Variants in ST18 observed in about 807,000 individuals in gnomAD.
The protein encoded by ST18 is suppression of tumorigenicity 18 protein.
A neutral mutation model predicts 110.0 loss-of-function variants in ST18; 50 were observed. That is an observed-to-expected ratio of 0.45 (90% CI 0.36 to 0.58). The LOEUF (loss-of-function observed/expected upper bound fraction) is 0.58. Among genes scored for constraint, ST18 ranks in the 20% least tolerant of loss-of-function variants. The pLI is 0.00. For synonymous variants in ST18, 461 were observed against 452.4 expected, an observed-to-expected ratio of 1.02 and a Z score of -0.24; for missense variants, 1,306 against 1,280.1, an observed-to-expected ratio of 1.02 and a Z score of -0.31.
In ST18 at chr8:52,172,359, A is replaced by G. The variant is rs1436951447; in HGVS notation, c.502T>C (p.Phe168Leu). Residue 168 changes from phenylalanine to leucine, a missense_variant, in exon 10 of 26, where the codon TTT (phenylalanine) becomes CTT (leucine). Physicochemically the swap from Phe to Leu is conservative, Grantham distance 22 (BLOSUM62 0). Coordinates refer to ENST00000689386, the MANE Select transcript of ST18 (RefSeq NM_001352837.2). ...KAESDEADEC[F>L]LIHSDDGRDK... ...CTTCCATCATCAGAATGAATCAGAA[A>G]GCACTCGTCTGCTTCATCGCTCTCT... 1.2e-6 allele frequency: 2 copies of G among 1,614,038 alleles called. No homozygotes were observed. Among genetic ancestry groups the G allele is most frequent in the African/African-American group, 1.3e-5 (1 of 74,924 alleles).
At chr8:52,274,128 G>A (rs1015452093) in intron 2 of ST18, among the ~76,000 whole-genome samples, 6 of 152,082 alleles carry the variant, frequency 3.9e-5, no homozygotes, top group African/African-American at 1.4e-4. Context: ...AGAAGAACAG[G>A]CCAACTGTTA....
intron 2 of ST18, among the ~76,000 whole-genome samples, chr8:52,380,085 A>T (rs1032623852): frequency 9.9e-5 from 15 of 152,196 alleles, no homozygotes; most frequent in Admixed American, 9.8e-4. Flanking sequence ...CATACAAATT[A>T]TCACTAGTGA....
intron 2 of ST18, among the ~76,000 whole-genome samples, chr8:52,315,368 G>A (rs1233742643): frequency 6.6e-6 from 1 of 152,128 alleles, no homozygotes; most frequent in African/African-American, 2.4e-5. Flanking sequence ...CCTGGGAGGT[G>A]AGTGACATCA....
At chr8:52,240,958 G>C (rs998236112) in intron 2 of ST18, among the ~76,000 whole-genome samples, 13 of 152,080 alleles carry the variant, frequency 8.5e-5, no homozygotes, top group African/African-American at 3.1e-4. Flanking sequence ...ATCACCACCC[G>C]GTTGTCTCTC....
At chr8:52,376,854 T>C (rs183372091) in intron 2 of ST18, among the ~76,000 whole-genome samples, 11 of 152,342 alleles carry the variant, frequency 7.2e-5, no homozygotes, top group Admixed American at 2.6e-4. Context: ...TTTTGTTTCA[T>C]AATGTCTTCA....
intron 2 of ST18, among the ~76,000 whole-genome samples, chr8:52,330,486 C>T (rs1040313492): frequency 2.0e-5 from 3 of 152,160 alleles, no homozygotes; most frequent in Non-Finnish European, 4.4e-5. Flanking sequence ...CAAAGAGTAG[C>T]TAATCTAAAA....
At chr8:52,366,796 T>C (rs1455942290) in intron 2 of ST18, among the ~76,000 whole-genome samples, 1 of 152,246 alleles carries the variant, frequency 6.6e-6, no homozygotes, top group African/African-American at 2.4e-5. Context: ...TTTATCAGTT[T>C]ACCATTGTAA....
intron 22 of ST18, among the ~76,000 whole-genome samples, chr8:52,127,199 A>C (rs1320916893): frequency 6.6e-6 from 1 of 152,356 alleles, no homozygotes; most frequent in African/African-American, 2.4e-5. Flanking sequence ...TATTTTTTCA[A>C]GAATGCTAAT....
At chr8:52,380,518 T>C (rs182125423) in intron 2 of ST18, among the ~76,000 whole-genome samples, 2 of 152,262 alleles carry the variant, frequency 1.3e-5, no homozygotes, top group African/African-American at 4.8e-5. Flanking sequence ...CTGCACAATG[T>C]TGCATTGATC....
At chr8:52,198,924 C>T (rs1027015182) in intron 8 of ST18, among the ~76,000 whole-genome samples, 1 of 152,074 alleles carries the variant, frequency 6.6e-6, no homozygotes, top group African/African-American at 2.4e-5. Context: ...TTCCCCAGGC[C>T]CACCTCCTTC....
At chr8:52,227,115 A>G (rs2089735566) in intron 3 of ST18, among the ~76,000 whole-genome samples, 1 of 152,210 alleles carries the variant, frequency 6.6e-6, no homozygotes, top group African/African-American at 2.4e-5. Context: ...GTGGAGGCCA[A>G]TGGGGCACTG....
intron 9 of ST18, among the ~76,000 whole-genome samples, chr8:52,179,220 T>C (rs940027864): frequency 1.3e-4 from 20 of 152,202 alleles, no homozygotes; most frequent in Admixed American, 6.5e-5. Flanking sequence ...AGCTTCGCCT[T>C]ATGCACAAAG....
chr8:52,322,775 T>C (rs1427270639), intron 2 of ST18, among the ~76,000 whole-genome samples: 2 of 152,196 alleles, frequency 1.3e-5, no homozygotes, highest in Non-Finnish European at 2.9e-5. Flanking sequence ...TCATTTTGGT[T>C]AAAAACTAAA....
intron 2 of ST18, among the ~76,000 whole-genome samples, chr8:52,340,702 C>G (rs575722541): frequency 6.6e-6 from 1 of 152,282 alleles, no homozygotes; most frequent in Admixed American, 6.5e-5. Context: ...CTAGAAAACA[C>G]GAGCTACTTT....
At chr8:52,351,913 C>G (rs192306522) in intron 2 of ST18, among the ~76,000 whole-genome samples, 4 of 152,248 alleles carry the variant, frequency 2.6e-5, no homozygotes, top group African/African-American at 4.8e-5. Context: ...GAGAAGCGTA[C>G]TTCAATCATT....
At chr8:52,146,575 G>T (rs1435853277) in intron 16 of ST18, among the ~76,000 whole-genome samples, 1 of 151,896 alleles carries the variant, frequency 6.6e-6, no homozygotes, top group Non-Finnish European at 1.5e-5. Context: ...TAAAAAATCT[G>T]ATAATAATCC....
At position 52,209,647 on chromosome 8, in the gene ST18, G is replaced by A. The variant is rs1351048751; in HGVS notation, c.86+2432C>T. On this transcript the variant is annotated intron_variant, in intron 8 of 25. Transcript: ENST00000689386. ...TAGCCCGGCATGGTGGCTCATGCCT[G>A]TAATCCCAGCTACTCGACAGGCTGA... 4.6e-5 allele frequency among the ~76,000 whole-genome samples: 7 copies of A among 151,476 alleles called. No homozygotes were observed. The East Asian group carries it at 7.8e-4, about 17-fold the overall frequency.
chr8:52,302,999 T>C (rs2095753474), intron 2 of ST18, among the ~76,000 whole-genome samples: 2 of 152,022 alleles, frequency 1.3e-5, no homozygotes, highest in Non-Finnish European at 2.9e-5. Flanking sequence ...GGACCTCCCA[T>C]TCCAAAAAAA....
chr8:52,125,614 C>T (rs2046723271), intron 23 of ST18, among the ~76,000 whole-genome samples: 1 of 152,082 alleles, frequency 6.6e-6, no homozygotes, highest in African/African-American at 2.4e-5. Flanking sequence ...ATCTCAGCTT[C>T]CAGAGTAACT....
Sources: allele counts gnomAD v4.1 joint callset (sites outside exome capture counted in the v4.1 genomes callset), GRCh38; gene constraint gnomAD v4.1.1; transcripts MANE v1.5; gene names NCBI Gene and HGNC (gene_info 2026-07-23, HGNC 2026-07-21).